TUSC3: variants seen among roughly 807,000 people sequenced by gnomAD.
The protein encoded by TUSC3 is dolichyl-diphosphooligosaccharide--protein glycosyltransferase subunit TUSC3.
Under a neutral mutation model 44.8 loss-of-function variants are expected in TUSC3, and 45 were observed. The ratio of observed to expected loss-of-function variants is 1.00; its 90% CI spans 0.79 to 1.29. The LOEUF (loss-of-function observed/expected upper bound fraction) is 1.29, where lower values mean the gene tolerates loss of function less well. Ranked by LOEUF, TUSC3 falls within the 50% of genes most tolerant of loss-of-function variation. TUSC3 has a pLI of 0.00. For synonymous variants in TUSC3, 212 were observed against 152.9 expected, an observed-to-expected ratio of 1.39 and a Z score of -2.85; for missense variants, 519 against 437.9, an observed-to-expected ratio of 1.19 and a Z score of -1.65.
At chr8:15,847,606 G>A in the TUSC3 span, among the ~76,000 whole-genome samples, 797 of 152,246 alleles carry the variant, frequency 5.2e-3, 2 homozygotes, top group African/African-American at 0.018. Context: ...GGATTTTAAA[G>A]TACTTTTAAA....
chr8:15,674,970 A>G (rs1211831735), intron 6 of TUSC3, among the ~76,000 whole-genome samples: 1 of 152,032 alleles, frequency 6.6e-6, no homozygotes, highest in East Asian at 1.9e-4. Flanking sequence ...ATTTAAAGTT[A>G]GCCCTTTCCT....
intron 9 of TUSC3, among the ~76,000 whole-genome samples, chr8:15,751,707 A>C (rs1811712275): frequency 6.6e-6 from 1 of 152,194 alleles, no homozygotes; most frequent in African/African-American, 2.4e-5. Context: ...AGTTAACACC[A>C]CCAAATATGT....
chr8:15,562,152 T>G lies in TUSC3; in HGVS notation c.138+21584T>G, dbSNP rs1802499553. Among the ~76,000 whole-genome samples the G allele has an allele frequency of 2.0e-5, 3 of 152,272 alleles. No homozygotes were observed. In the South Asian group the frequency reaches 6.2e-4, roughly 32 times the overall value. ...TTGGAGATAAGAACTTCCCGGCATT[T>G]TCTTATAACCTAGTTGGGGTATCAC... On this transcript the variant is annotated intron_variant, in intron 1 of 10. Transcript: ENST00000503731.
At chr8:15,848,174 T>G in the TUSC3 span, among the ~76,000 whole-genome samples, 9 of 152,094 alleles carry the variant, frequency 5.9e-5, no homozygotes, top group Admixed American at 5.2e-4. Context: ...ACCACAAGCA[T>G]GCAACTTACC....
At chr8:15,709,680 C>G (rs1355693864) in intron 6 of TUSC3, among the ~76,000 whole-genome samples, 2 of 151,856 alleles carry the variant, frequency 1.3e-5, no homozygotes, top group African/African-American at 4.8e-5. Flanking sequence ...TATGTGTTAT[C>G]TCCTTTAGTC....
chr8:15,541,410 A>G (rs531152920), intron 1 of TUSC3, among the ~76,000 whole-genome samples: 7 of 152,332 alleles, frequency 4.6e-5, no homozygotes, highest in Non-Finnish European at 1.0e-4. Flanking sequence ...CATTTTGGTG[A>G]GAGTTATCTG....
At chr8:15,697,474 T>C (rs1809218640) in intron 6 of TUSC3, among the ~76,000 whole-genome samples, 2 of 152,204 alleles carry the variant, frequency 1.3e-5, no homozygotes, top group Non-Finnish European at 2.9e-5. Context: ...TTTTGATAGG[T>C]TTTGGCTGTC....
intron 2 of TUSC3, among the ~76,000 whole-genome samples, chr8:15,510,929 C>G (rs1311242465): frequency 1.3e-5 from 2 of 152,134 alleles, no homozygotes; most frequent in African/African-American, 2.4e-5. Flanking sequence ...GTTGAAAAAT[C>G]AGTGAATGCC....
At chr8:15,774,996 G>A in the TUSC3 span, among the ~76,000 whole-genome samples, 2 of 152,062 alleles carry the variant, frequency 1.3e-5, no homozygotes, top group African/African-American at 2.4e-5. Flanking sequence ...GGGAAAATAG[G>A]TGTTTAAACA....
chr8:15,757,071 G>C (rs1811956610), intron 9 of TUSC3, among the ~76,000 whole-genome samples: 1 of 152,130 alleles, frequency 6.6e-6, no homozygotes, highest in Admixed American at 6.6e-5. Context: ...AGGAGTTTGA[G>C]GCTGCAAGTG....
At chr8:15,478,453 A>G (rs556757258) in intron 1 of TUSC3, among the ~76,000 whole-genome samples, 30 of 152,134 alleles carry the variant, frequency 2.0e-4, no homozygotes, top group African/African-American at 6.3e-4. Flanking sequence ...AGAGGCCCCA[A>G]TGTGTGTTGT....
At chr8:15,450,925 C>G (rs1800190493) in intron 1 of TUSC3, among the ~76,000 whole-genome samples, 1 of 152,150 alleles carries the variant, frequency 6.6e-6, no homozygotes, top group Non-Finnish European at 1.5e-5. Context: ...GAGTTCTGGT[C>G]TGAGCAGCTT....
rs77491127 is a variant in TUSC3 at position 15,428,330 on chromosome 8, T to C, written n.91+11025T>C. Among the ~76,000 whole-genome samples, 1,125 of 152,150 alleles carry C rather than the reference T, an allele frequency of 7.4e-3. 18 individuals are homozygous for C. Among genetic ancestry groups the C allele is most frequent in the African/African-American group, 0.026 (1,065 of 41,478 alleles). ...TTTTTTATGGCTGCATAGTATTCCA[T>C]GGTGCATATGTGCCACATTTTCTTA... On this transcript the variant is annotated intron_variant and non_coding_transcript_variant, in intron 1 of 5. Transcript: ENST00000503191.
At position 15,715,635 on chromosome 8, in the gene TUSC3, C is replaced by T. The variant is rs953629895; in HGVS notation, c.799-15031C>T. 1.6e-4 allele frequency among the ~76,000 whole-genome samples: 24 copies of T among 151,684 alleles called. 1 individual carries two copies. The highest frequency in any genetic ancestry group is 3.4e-4 in the African/African-American group (14 of 41,346). On this transcript the variant is annotated intron_variant, in intron 6 of 10. Transcript: ENST00000503731. ...TGGACTGTAGTTGACAGCAGGTAAC[C>T]GATACCACAGAAAGTAAAACCAAAG...
At chr8:15,714,372 G>A (rs1222837704) in intron 6 of TUSC3, among the ~76,000 whole-genome samples, 2 of 151,880 alleles carry the variant, frequency 1.3e-5, no homozygotes, top group Non-Finnish European at 2.9e-5. Context: ...AAAAGATAGA[G>A]GATTGAAAAA....
chr8:15,525,316 A>G (rs973546601), intron 2 of TUSC3, among the ~76,000 whole-genome samples: 2 of 147,402 alleles, frequency 1.4e-5, no homozygotes, highest in African/African-American at 5.4e-5. Context: ...CTCTGAGACA[A>G]AGTTTCTTTT....
At chr8:15,558,848 T>C (rs1391071688) in intron 1 of TUSC3, among the ~76,000 whole-genome samples, 4 of 150,596 alleles carry the variant, frequency 2.7e-5, no homozygotes, top group African/African-American at 4.8e-5. Context: ...GGATCGGTGG[T>C]GATATCCCCT....
At chr8:15,688,430 CTTTT>C (rs11383982) in intron 6 of TUSC3, among the ~76,000 whole-genome samples, 11 of 141,276 alleles carry the variant, frequency 7.8e-5, no homozygotes, top group Non-Finnish European at 1.4e-4. Context: ...CTTCAGTATT[CTTTT>C]TTTTTTTTTT....
At chr8:15,630,225 C>G (rs997649859) in intron 2 of TUSC3, among the ~76,000 whole-genome samples, 5 of 152,032 alleles carry the variant, frequency 3.3e-5, no homozygotes, top group African/African-American at 1.2e-4. Context: ...TAGAATCAAG[C>G]AGGTTGCCTG....
Sources: gnomAD v4.1 joint callset for allele counts (sites outside exome capture counted in the v4.1 genomes callset) on GRCh38, gnomAD v4.1.1 for gene constraint, MANE v1.5 for transcripts, NCBI Gene and HGNC (gene_info 2026-07-23, HGNC 2026-07-21) for gene names.